The following GPC5 variants were observed in gnomAD, a reference collection of about 807,000 sequenced individuals.
GPC5 encodes glypican 5, also known as glypican-5.
In GPC5, 47 loss-of-function variants were observed where a neutral mutation model predicts 53.9. That is an observed-to-expected ratio of 0.87 (90% CI 0.69 to 1.11). The LOEUF is 1.11. Ranked by LOEUF, GPC5 falls within the 50% of genes most tolerant of loss-of-function variation. The pLI is 0.00. For synonymous variants in GPC5, 286 were observed against 263.3 expected (o/e 1.09, Z -0.84); for missense variants, 748 against 713.1 (o/e 1.05, Z -0.56).
intron 7 of GPC5, among the ~76,000 whole-genome samples, chr13:92,801,557 T>G (rs1447209402): frequency 1.3e-5 from 2 of 151,836 alleles, no homozygotes; most frequent in African/African-American, 4.8e-5. Context: ...CTTCAATTTT[T>G]TTTAAAGTTA....
chr13:92,385,353 TACATATATAC>T (rs2043784843), intron 7 of GPC5, among the ~76,000 whole-genome samples: 2 of 87,748 alleles, frequency 2.3e-5, no homozygotes, highest in African/African-American at 8.7e-5. Context: ...TATACATATA[TACATATATAC>T]ATATATATAC....
intron 7 of GPC5, among the ~76,000 whole-genome samples, chr13:92,835,173 C>T (rs1878181511): frequency 6.6e-6 from 1 of 151,750 alleles, no homozygotes; most frequent in Non-Finnish European, 1.5e-5. Context: ...TTTTTCAAAG[C>T]CTAGGTTCTT....
At chr13:91,586,585 GA>G (rs2032603671) in intron 2 of GPC5, among the ~76,000 whole-genome samples, 1 of 122,038 alleles carries the variant, frequency 8.2e-6, no homozygotes, top group African/African-American at 3.1e-5. Context: ...GAGAGAGAGA[GA>G]GAGAGGGAGA....
chr13:91,765,198 T>C (rs1208584755), intron 5 of GPC5, among the ~76,000 whole-genome samples: 11 of 152,252 alleles, frequency 7.2e-5, no homozygotes, highest in Non-Finnish European at 1.6e-4. Flanking sequence ...CCAGCCCTTT[T>C]AGTCCTTCCA....
At chr13:91,900,518 A>AGTT (rs2039487119) in intron 5 of GPC5, among the ~76,000 whole-genome samples, 1 of 152,134 alleles carries the variant, frequency 6.6e-6, no homozygotes, top group Non-Finnish European at 1.5e-5. Context: ...AATTGATTAT[A>AGTT]GTTATAATTG....
chr13:92,216,945 C>CT lies in GPC5; in HGVS notation c.1561+71957dup, dbSNP rs1361109012. Among the ~76,000 whole-genome samples the CT allele has an allele frequency of 1.1e-4, 16 of 149,554 alleles. No individual in the cohort carries two copies. In the East Asian group the frequency reaches 3.2e-3, roughly 30 times the overall value. Reference sequence around the variant, plus strand: ...AGTGAGCTGAGATCGCACTACTGGGCTCCAGCCTGGGCGATAGAGGAAGAT... The same window carrying CT: ...AGTGAGCTGAGATCGCACTACTGGGCTTCCAGCCTGGGCGATAGAGGAAGAT... On this transcript the variant is annotated intron_variant, in intron 7 of 7. Transcript: ENST00000377067.
intron 6 of GPC5, among the ~76,000 whole-genome samples, chr13:92,107,130 A>T (rs866232914): frequency 6.6e-6 from 1 of 152,020 alleles, no homozygotes; most frequent in Non-Finnish European, 1.5e-5. Context: ...GCCGTTTTTC[A>T]GTTGGTGACA....
chr13:92,798,824 G>A (rs1018812525), intron 7 of GPC5, among the ~76,000 whole-genome samples: 3 of 151,810 alleles, frequency 2.0e-5, no homozygotes, highest in Non-Finnish European at 2.9e-5. Context: ...TGTAAGTCAC[G>A]TGAATTTAAT....
At chr13:91,952,915 T>A (rs1030824089) in intron 6 of GPC5, among the ~76,000 whole-genome samples, 2 of 152,186 alleles carry the variant, frequency 1.3e-5, no homozygotes, top group Non-Finnish European at 2.9e-5. Flanking sequence ...AAATTCATCC[T>A]CTAAATGTCA....
chr13:91,923,179 C>G (rs983319358), intron 6 of GPC5, among the ~76,000 whole-genome samples: 1 of 152,204 alleles, frequency 6.6e-6, no homozygotes, highest in African/African-American at 2.4e-5. Flanking sequence ...CTTTGCCATA[C>G]ATAGCTTTTG....
Position 92,464,917 on chromosome 13 carries a change from A to C in GPC5, c.1561+319928A>C, listed in dbSNP as rs562222300. On this transcript the variant is annotated intron_variant, in intron 7 of 7. Coordinates refer to ENST00000377067, the MANE Select transcript of GPC5 (RefSeq NM_004466.6). ...GTTTATGTAAACTATATATTTAAAC[A>C]ATGTATATTTAAATGTTATATATCT... Among the ~76,000 whole-genome samples, 5 of 151,936 alleles carry C rather than the reference A, an allele frequency of 3.3e-5. No individual in the cohort carries two copies. In the East Asian group the frequency reaches 9.6e-4, roughly 29 times the overall value.
At chr13:91,644,276 C>T (rs1446520518) in intron 2 of GPC5, among the ~76,000 whole-genome samples, 1 of 152,082 alleles carries the variant, frequency 6.6e-6, no homozygotes, top group Non-Finnish European at 1.5e-5. Flanking sequence ...TTCAGTTTAC[C>T]TCTCATAGAG....
intron 7 of GPC5, among the ~76,000 whole-genome samples, chr13:92,570,777 C>T (rs937555153): frequency 1.3e-5 from 2 of 151,996 alleles, no homozygotes; most frequent in Non-Finnish European, 2.9e-5. Flanking sequence ...TACAATTATA[C>T]CTATTAGTAT....
At chr13:91,656,561 T>A (rs1439574128) in intron 2 of GPC5, among the ~76,000 whole-genome samples, 2 of 152,178 alleles carry the variant, frequency 1.3e-5, no homozygotes, top group African/African-American at 4.8e-5. Flanking sequence ...ATGTTACAAA[T>A]AATTTTTTAA....
chr13:92,399,875 T>C (rs1259397898), intron 7 of GPC5, among the ~76,000 whole-genome samples: 3 of 152,240 alleles, frequency 2.0e-5, no homozygotes, highest in Non-Finnish European at 2.9e-5. Flanking sequence ...TCACACTGGA[T>C]ACTTACTTGT....
chr13:92,183,334 G>T (rs900770745), intron 7 of GPC5, among the ~76,000 whole-genome samples: 1 of 152,084 alleles, frequency 6.6e-6, no homozygotes, highest in Non-Finnish European at 1.5e-5. Context: ...GAAGGCTGAG[G>T]TTGGGATAGG....
At chr13:92,665,969 T>C (rs1886552291) in intron 7 of GPC5, among the ~76,000 whole-genome samples, 1 of 152,204 alleles carries the variant, frequency 6.6e-6, no homozygotes, top group African/African-American at 2.4e-5. Flanking sequence ...TGCCCTGTGA[T>C]ATAAAATTCC....
intron 3 of GPC5, among the ~76,000 whole-genome samples, chr13:91,709,033 G>A (rs1451495420): frequency 6.6e-6 from 1 of 152,140 alleles, no homozygotes; most frequent in South Asian, 2.1e-4. Context: ...AGAAATTTAT[G>A]AGTCTGATAC....
At chr13:92,781,951 C>A (rs981129543) in intron 7 of GPC5, among the ~76,000 whole-genome samples, 16 of 152,110 alleles carry the variant, frequency 1.1e-4, no homozygotes, top group African/African-American at 3.9e-4. Flanking sequence ...AAGTTAATTT[C>A]CACACCAATT....
Sources: allele counts gnomAD v4.1 joint callset (sites outside exome capture counted in the v4.1 genomes callset), GRCh38; gene constraint gnomAD v4.1.1; transcripts MANE v1.5; gene names NCBI Gene and HGNC (gene_info 2026-07-23, HGNC 2026-07-21).